Variants in ARFIP1 observed in about 807,000 individuals in gnomAD.
The protein encoded by ARFIP1 is ARF interacting protein 1.
A neutral mutation model predicts 42.5 loss-of-function variants in ARFIP1; 24 were observed. The observed-to-expected ratio is 0.57, with a 90% CI of 0.41 to 0.80. The LOEUF is 0.80. Ranked by LOEUF, ARFIP1 falls within the 30% of genes least tolerant of loss-of-function variation. The pLI, the probability that ARFIP1 is intolerant of heterozygous loss-of-function variation, is 0.00. For missense variants in ARFIP1, 354 were observed against 434.0 expected, an observed-to-expected ratio of 0.82 and a Z score of 1.64; for synonymous variants, 141 against 153.7, an observed-to-expected ratio of 0.92 and a Z score of 0.61.
intron 8 of ARFIP1, among the ~76,000 whole-genome samples, chr4:152,908,715 A>G (rs1738579779): frequency 6.6e-6 from 1 of 152,178 alleles, no homozygotes; most frequent in Non-Finnish European, 1.5e-5. Context: ...TCTTTCACAT[A>G]TAACATCATA....
chr4:152,823,919 A>G (rs1030964152), intron 1 of ARFIP1, among the ~76,000 whole-genome samples: 9 of 152,100 alleles, frequency 5.9e-5, no homozygotes, highest in African/African-American at 2.2e-4. Context: ...GAAGGACATA[A>G]CAAAAAAGAA....
chr4:152,876,007 T>A (rs925765809), intron 5 of ARFIP1, among the ~76,000 whole-genome samples: 3 of 152,198 alleles, frequency 2.0e-5, no homozygotes, highest in Admixed American at 6.5e-5. Flanking sequence ...CCTGCCATGA[T>A]TCTGAGGCCT....
intron 1 of ARFIP1, among the ~76,000 whole-genome samples, chr4:152,790,220 G>A (rs1033088030): frequency 6.6e-6 from 1 of 152,056 alleles, no homozygotes; most frequent in African/African-American, 2.4e-5. Context: ...ACATGGTTTT[G>A]GGAATTTAGT....
chr4:152,853,816 A>G (rs1013093218), intron 2 of ARFIP1, among the ~76,000 whole-genome samples: 2 of 150,564 alleles, frequency 1.3e-5, no homozygotes, highest in Non-Finnish European at 3.0e-5. Flanking sequence ...ATGTTGTCTC[A>G]TGTCATGAAT....
At chr4:152,798,737 C>A (rs1359219988) in intron 1 of ARFIP1, among the ~76,000 whole-genome samples, 5 of 152,162 alleles carry the variant, frequency 3.3e-5, no homozygotes, top group African/African-American at 1.2e-4. Flanking sequence ...GTATATTTAT[C>A]TCTGTGATTA....
chr4:152,889,189 A>C (rs190622079), intron 8 of ARFIP1, among the ~76,000 whole-genome samples: 1 of 152,210 alleles, frequency 6.6e-6, no homozygotes, highest in African/African-American at 2.4e-5. Flanking sequence ...CCATAACATC[A>C]AAGGGCATTT....
chr4:152,903,608 C>G (rs2149911594), intron 8 of ARFIP1, among the ~76,000 whole-genome samples: 1 of 152,076 alleles, frequency 6.6e-6, no homozygotes, highest in East Asian at 1.9e-4. Flanking sequence ...CATCAGTCTT[C>G]TAACAATTAC....
At chr4:152,804,465 A>AACATG (rs1728834264) in intron 1 of ARFIP1, among the ~76,000 whole-genome samples, 1 of 109,052 alleles carries the variant, frequency 9.2e-6, no homozygotes, top group South Asian at 2.5e-4. Context: ...TATATAATAT[A>AACATG]TAATATATAT....
intron 1 of ARFIP1, among the ~76,000 whole-genome samples, chr4:152,781,152 A>G (rs986324587): frequency 6.6e-6 from 1 of 151,672 alleles, no homozygotes; most frequent in Non-Finnish European, 1.5e-5. Context: ...AATTAACTTA[A>G]TTGGCATAGA....
chr4:152,855,393 G>A (rs1388797170), intron 2 of ARFIP1, among the ~76,000 whole-genome samples: 2 of 152,164 alleles, frequency 1.3e-5, no homozygotes, highest in Non-Finnish European at 2.9e-5. Flanking sequence ...AGTAGGAGGT[G>A]GCAACAGCTG....
intron 1 of ARFIP1, among the ~76,000 whole-genome samples, chr4:152,806,437 G>T (rs542507614): frequency 6.6e-6 from 1 of 152,174 alleles, no homozygotes; most frequent in African/African-American, 2.4e-5. Flanking sequence ...TGCTCTCTGG[G>T]TGGATTGGGG....
intron 1 of ARFIP1, among the ~76,000 whole-genome samples, chr4:152,787,082 A>G (rs1330186186): frequency 2.0e-5 from 3 of 152,214 alleles, no homozygotes; most frequent in Non-Finnish European, 2.9e-5. Context: ...TCATGAAGGT[A>G]AGGTCCATAT....
chr4:152,836,627 T>G (rs924729090), intron 2 of ARFIP1, among the ~76,000 whole-genome samples: 10 of 152,204 alleles, frequency 6.6e-5, no homozygotes, highest in African/African-American at 2.4e-4. Flanking sequence ...ATCTTGATAC[T>G]GGTAGTTTAT....
intron 7 of ARFIP1, among the ~76,000 whole-genome samples, chr4:152,885,194 A>G (rs1426221821): frequency 6.6e-6 from 1 of 152,090 alleles, no homozygotes; most frequent in African/African-American, 2.4e-5. Context: ...TCAGTAGCTG[A>G]ATTTCCTTCT....
At chr4:152,873,522 A>G (rs149171256) in intron 5 of ARFIP1, among the ~76,000 whole-genome samples, 1 of 152,338 alleles carries the variant, frequency 6.6e-6, no homozygotes, top group Non-Finnish European at 1.5e-5. Flanking sequence ...GAGAAATCCC[A>G]GTGGTAGTCT....
rs185101161 is a variant in ARFIP1, at chr4:152,904,785, G to T, written c.967-5279G>T. On this transcript the variant is annotated intron_variant, in intron 8 of 8. Transcript: ENST00000353617. ...GTGTATATGTACATTTTCTTTATCT[G>T]GTCTATCATTGATGGGCATTTGGGT... Among the ~76,000 whole-genome samples the T allele has an allele frequency of 1.7e-3, 256 of 152,094 alleles. 1 individual carries two copies. The highest frequency in any genetic ancestry group is 3.9e-3 in the South Asian group (19 of 4,818).
intron 1 of ARFIP1, among the ~76,000 whole-genome samples, chr4:152,787,528 G>A (rs1730880624): frequency 6.6e-6 from 1 of 152,256 alleles, no homozygotes; most frequent in Admixed American, 6.5e-5. Flanking sequence ...ACAATGCCAT[G>A]TGTATGTGTA....
intron 2 of ARFIP1, among the ~76,000 whole-genome samples, chr4:152,848,453 A>T (rs1197570297): frequency 6.6e-6 from 1 of 152,160 alleles, no homozygotes; most frequent in Admixed American, 6.5e-5. Context: ...ATTTCCCTGC[A>T]TGTGGTATTT....
At chr4:152,883,561 CTG>C (rs1348313117) in intron 7 of ARFIP1, among the ~76,000 whole-genome samples, 1 of 151,770 alleles carries the variant, frequency 6.6e-6, no homozygotes, top group Non-Finnish European at 1.5e-5. Context: ...ATTTTGATAA[CTG>C]TTCATAATGC....
Sources: allele counts gnomAD v4.1 joint callset (sites outside exome capture counted in the v4.1 genomes callset), GRCh38; gene constraint gnomAD v4.1.1; transcripts MANE v1.5; gene names NCBI Gene and HGNC (gene_info 2026-07-23, HGNC 2026-07-21).